The following ZWILCH variants were observed in gnomAD, a reference collection of about 807,000 sequenced individuals.
The protein encoded by ZWILCH is zwilch kinetochore protein.
In ZWILCH, 74 loss-of-function variants were observed where a neutral mutation model predicts 79.9. The observed-to-expected ratio is 0.93, with a 90% CI of 0.77 to 1.12. The LOEUF (loss-of-function observed/expected upper bound fraction) is 1.12, where lower values mean the gene tolerates loss of function less well. Ranked by LOEUF, ZWILCH falls within the 50% of genes most tolerant of loss-of-function variation. The pLI, the probability that ZWILCH is intolerant of heterozygous loss-of-function variation, is 0.00. For missense variants in ZWILCH, 694 were observed against 687.5 expected (o/e 1.01, Z -0.11); for synonymous variants, 241 against 228.2 (o/e 1.06, Z -0.51).
intron 6 of ZWILCH, 68 bp downstream of exon 6, chr15:66,520,728 G>C (rs181672418): frequency 2.8e-6 from 3 of 1,089,598 alleles, no homozygotes; most frequent in Admixed American, 5.3e-5. Flanking sequence ...CTAGTTTACA[G>C]GTTTTTTTTC....
At chr15:66,514,118 C>A in intron 3 of ZWILCH, 35 bp downstream of exon 3, 1 of 1,487,264 alleles carries the variant, frequency 6.7e-7, no homozygotes, top group Non-Finnish European at 9.2e-7. Context: ...TTGTTTAATT[C>A]TCCATAACCA....
chr15:66,519,742 C>T (rs892689162), intron 5 of ZWILCH, among the ~76,000 whole-genome samples: 1 of 152,192 alleles, frequency 6.6e-6, no homozygotes, highest in Non-Finnish European at 1.5e-5. Flanking sequence ...CCTCGGCCTC[C>T]CGAAGTGCTG....
intron 8 of ZWILCH, among the ~76,000 whole-genome samples, chr15:66,525,718 T>G (rs912261110): frequency 4.0e-5 from 6 of 151,446 alleles, no homozygotes; most frequent in African/African-American, 1.5e-4. Flanking sequence ...CCTATGCTCC[T>G]AATCATTTAT....
At chr15:66,530,871 A>G (rs932778363) in intron 12 of ZWILCH, among the ~76,000 whole-genome samples, 1 of 152,212 alleles carries the variant, frequency 6.6e-6, no homozygotes, top group Non-Finnish European at 1.5e-5. Context: ...TTAATTGGGC[A>G]TTAGTGATTC....
chr15:66,510,380 A>G (rs1291571570), intron 2 of ZWILCH, among the ~76,000 whole-genome samples: 82 of 144,062 alleles, frequency 5.7e-4, no homozygotes, highest in African/African-American at 2.3e-3. Flanking sequence ...GAGCGAGACT[A>G]TCTCAAAAAA....
intron 7 of ZWILCH, among the ~76,000 whole-genome samples, chr15:66,521,517 A>G (rs964388280): frequency 6.6e-6 from 1 of 152,018 alleles, no homozygotes; most frequent in Admixed American, 6.5e-5. Flanking sequence ...TTGTTTTGAG[A>G]CAGAGTCTTA....
At chr15:66,523,074 C>T (rs1455436565) in intron 7 of ZWILCH, among the ~76,000 whole-genome samples, 1 of 152,236 alleles carries the variant, frequency 6.6e-6, no homozygotes, top group Non-Finnish European at 1.5e-5. Flanking sequence ...TCACTCACCT[C>T]GGCCTCCCAG....
rs1231666835 is a variant in ZWILCH, at chr15:66,520,424, T to C, written c.521-166T>C. ...GTGTGAGCCACCATACCCAGCCCAC[T>C]TTCATTCTCTTATAAACATTTCACT... On this transcript the variant is annotated intron_variant, in intron 5 of 18. Transcript: ENST00000307897. 5.2e-6 allele frequency: 3 copies of C among 574,098 alleles called. No individual in the cohort carries two copies. In the African/African-American group the frequency reaches 5.7e-5, roughly 11 times the overall value. The allele number at this position is 574,098 out of a possible 1,614,324, so 35.6% of individuals were successfully genotyped here.
chr15:66,505,451 C>T (rs1323328025), intron 1 of ZWILCH, 60 bp downstream of exon 1: 44 of 1,594,012 alleles, frequency 2.8e-5, no homozygotes, highest in Non-Finnish European at 3.7e-5. Flanking sequence ...CCCTGGGTGT[C>T]TGGATCCCCG....
rs1285108796 is a variant in ZWILCH at position 66,515,628 on chromosome 15, C to G, written c.304C>G (p.Pro102Ala). 1.2e-6 allele frequency: 2 copies of G among 1,612,940 alleles called. No individual in the cohort carries two copies. Among genetic ancestry groups the G allele is most frequent in the Non-Finnish European group, 1.7e-6 (2 of 1,179,434 alleles). ...CGAAAATGTTGGACCACTTGCTTTA[C>G]CAGTTGGGAAGGCAAGGTAGGTTTT... Reference protein sequence around the residue: ...TGENVGPLALPVGKARQLIGL... With the variant: ...TGENVGPLALAVGKARQLIGL... The change falls in exon 4 of 19, where the codon CCA (proline) becomes GCA (alanine). Residue 102 changes from proline to alanine, a missense_variant. Pro to Ala is a conservative substitution (Grantham distance 27). Coordinates refer to ENST00000307897, the MANE Select transcript of ZWILCH (RefSeq NM_017975.5).
chr15:66,540,158 T>C lies in ZWILCH; in HGVS notation c.1635T>C (p.Val545=). The C allele has an allele frequency of 3.7e-6, 6 of 1,613,788 alleles. No individual in the cohort carries two copies. The highest frequency in any genetic ancestry group is 5.1e-6 in the Non-Finnish European group (6 of 1,179,806). Residue 545 remains valine (V), a synonymous_variant, in exon 17 of 19, where the codon GTT becomes GTC. Transcript: ENST00000307897. The part of the protein sequence containing the change: ...IYSGQKKIKT[V]WQLSDSSPID... ...GTGGTCAAAAGAAGATTAAGACAGT[T>C]TGGCAACTGAGTGACAGCTCACCCA... is the stretch of plus-strand genomic sequence containing the variant.
At position 66,529,650 on chromosome 15, in the gene ZWILCH, T is replaced by C. The variant is rs576256507; in HGVS notation, c.1155+77T>C. The C allele has an allele frequency of 1.6e-4, 183 of 1,110,276 alleles. 1 individual carries two copies. The South Asian group carries it at 2.4e-3, about 14-fold the overall frequency. The allele number at this position is 1,110,276 out of a possible 1,614,324, so 68.8% of individuals were successfully genotyped here. ...TAAAGACACAGGCTCTGAAGCCAACTGCCTGAGTCTGAATTTCAGCTCTGC... is the reference window on the plus strand; with the variant it reads ...TAAAGACACAGGCTCTGAAGCCAACCGCCTGAGTCTGAATTTCAGCTCTGC... On this transcript the variant is annotated intron_variant, in intron 12 of 18. Coordinates refer to ENST00000307897, the MANE Select transcript of ZWILCH (RefSeq NM_017975.5).
chr15:66,520,566 A>G lies in ZWILCH; in HGVS notation c.521-24A>G, dbSNP rs1279095085. 10 of 1,270,560 alleles carry G rather than the reference A, an allele frequency of 7.9e-6. No homozygotes were observed. The East Asian group carries it at 2.1e-4, about 27-fold the overall frequency. The allele number at this position is 1,270,560 out of a possible 1,614,324, so 78.7% of individuals were successfully genotyped here. A position where few individuals can be genotyped will look rare whatever the true frequency, so the allele number is the denominator to read the frequency against. On this transcript the variant is annotated intron_variant, in intron 5 of 18. Coordinates refer to ENST00000307897, the MANE Select transcript of ZWILCH (RefSeq NM_017975.5). ...ATGTAATTTTGAGTTGTGCCTTTAC[A>G]TTTCTTTCTTTCATTTCCTATAGCT...
chr15:66,519,014 A>C lies in ZWILCH; in HGVS notation c.456A>C (p.Gly152=), dbSNP rs764716343. The part of the protein sequence containing the change: ...SSDPEGTCWL[G]AELITTNNSI... Reference sequence around the variant, plus strand: ...ATCCTGAAGGTACTTGTTGGCTAGGAGCTGAGCTTATCACAACAAACAACA... The same window carrying C: ...ATCCTGAAGGTACTTGTTGGCTAGGCGCTGAGCTTATCACAACAAACAACA... The change falls in exon 5 of 19, where the codon GGA becomes GGC. Residue 152 remains glycine (G), a synonymous_variant. Transcript: ENST00000307897. 6.2e-7 allele frequency: 1 copy of C among 1,614,082 alleles called. No individual in the cohort carries two copies. Among genetic ancestry groups the C allele is most frequent in the African/African-American group, 1.3e-5 (1 of 74,928 alleles).
At chr15:66,505,674 A>C (rs190783447) in intron 1 of ZWILCH, 1 of 464,854 alleles carries the variant, frequency 2.2e-6, no homozygotes, top group Non-Finnish European at 3.8e-6. Context: ...CACACTTGCC[A>C]TAAGTAGAGG....
chr15:66,513,733 G>A (rs1465344079), intron 2 of ZWILCH, among the ~76,000 whole-genome samples: 1 of 152,016 alleles, frequency 6.6e-6, no homozygotes, highest in Non-Finnish European at 1.5e-5. Flanking sequence ...CACCACGCCT[G>A]GCTAATTTTT....
intron 8 of ZWILCH, among the ~76,000 whole-genome samples, chr15:66,524,264 A>G (rs1410455755): frequency 6.6e-6 from 1 of 152,156 alleles, no homozygotes; most frequent in Admixed American, 6.5e-5. Context: ...GTAGTATATG[A>G]GGGTTCTGAT....
chr15:66,537,754 T>C (rs1232662480), intron 16 of ZWILCH, among the ~76,000 whole-genome samples: 2 of 152,140 alleles, frequency 1.3e-5, no homozygotes, highest in South Asian at 2.1e-4. Flanking sequence ...AGTCCACCCA[T>C]GATCCTAGGC....
At chr15:66,511,023 A>T (rs889247277) in intron 2 of ZWILCH, among the ~76,000 whole-genome samples, 1 of 152,198 alleles carries the variant, frequency 6.6e-6, no homozygotes, top group Non-Finnish European at 1.5e-5. Context: ...TTGGGGATAC[A>T]CTTCAACCCA....
Sources: gnomAD v4.1 joint callset for allele counts (sites outside exome capture counted in the v4.1 genomes callset) on GRCh38, gnomAD v4.1.1 for gene constraint, MANE v1.5 for transcripts, NCBI Gene and HGNC (gene_info 2026-07-23, HGNC 2026-07-21) for gene names.